The following ZFPM2 variants were observed in gnomAD, a reference collection of about 807,000 sequenced individuals.
ZFPM2 encodes zinc finger protein, FOG family member 2.
Under a neutral mutation model 98.6 loss-of-function variants are expected in ZFPM2, and 20 were observed. The ratio of observed to expected loss-of-function variants is 0.20; its 90% confidence interval spans 0.14 to 0.29. The LOEUF is 0.29. Ranked by LOEUF, ZFPM2 falls within the 10% of genes least tolerant of loss-of-function variation. The probability of loss-of-function intolerance (pLI) is 1.00; values close to 1 mark genes in which losing one functional copy is unlikely to be tolerated. For synonymous variants in ZFPM2, 518 were observed against 502.7 expected (o/e 1.03, Z -0.41); for missense variants, 1,310 against 1,388.6 (o/e 0.94, Z 0.90).
intron 4 of ZFPM2, among the ~76,000 whole-genome samples, chr8:105,629,172 G>A (rs146001368): frequency 3.2e-4 from 48 of 152,320 alleles, no homozygotes; most frequent in African/African-American, 1.0e-3. Context: ...GCACTGAAGC[G>A]GCTGACTGGT....
chr8:105,515,287 T>C (rs138254171), intron 3 of ZFPM2, among the ~76,000 whole-genome samples: 272 of 152,362 alleles, frequency 1.8e-3, no homozygotes, highest in African/African-American at 6.2e-3. Context: ...AAATGCTTAA[T>C]ACTAATGCCG....
At chr8:105,559,851 G>A (rs755514220) in intron 3 of ZFPM2, among the ~76,000 whole-genome samples, 3 of 152,074 alleles carry the variant, frequency 2.0e-5, no homozygotes, top group Non-Finnish European at 4.4e-5. Context: ...TTGAAAAGAA[G>A]CTAAAGCGAG....
chr8:105,579,605 T>G (rs1379375499), intron 4 of ZFPM2, among the ~76,000 whole-genome samples: 1 of 152,156 alleles, frequency 6.6e-6, no homozygotes, highest in Non-Finnish European at 1.5e-5. Flanking sequence ...CTGTCCTGAT[T>G]AACAGGCTGA....
chr8:105,733,365 C>T (rs1289076746), intron 5 of ZFPM2, among the ~76,000 whole-genome samples: 1 of 151,850 alleles, frequency 6.6e-6, no homozygotes, highest in East Asian at 1.9e-4. Flanking sequence ...AAAAATTACT[C>T]ATTTCTGGCT....
chr8:105,554,030 A>G (rs1814926295), intron 3 of ZFPM2, among the ~76,000 whole-genome samples: 1 of 152,110 alleles, frequency 6.6e-6, no homozygotes, highest in African/African-American at 2.4e-5. Context: ...TTGAATAGGG[A>G]ACGTCGTATT....
intron 5 of ZFPM2, among the ~76,000 whole-genome samples, chr8:105,741,947 T>C (rs1812224329): frequency 6.6e-6 from 1 of 152,034 alleles, no homozygotes; most frequent in African/African-American, 2.4e-5. Flanking sequence ...GACACAGTGT[T>C]GAAGCTGGAT....
At chr8:105,426,475 T>G (rs1422991713) in intron 2 of ZFPM2, among the ~76,000 whole-genome samples, 1 of 152,102 alleles carries the variant, frequency 6.6e-6, no homozygotes, top group Non-Finnish European at 1.5e-5. Context: ...CCTTCCCTTC[T>G]CCGCCACCTC....
chr8:105,682,502 T>G (rs1810630829), intron 5 of ZFPM2, among the ~76,000 whole-genome samples: 1 of 152,140 alleles, frequency 6.6e-6, no homozygotes, highest in Admixed American at 6.6e-5. Context: ...AGATAGATCC[T>G]TGTAGGCAGT....
chr8:105,405,534 G>T (rs1811432001), intron 1 of ZFPM2, among the ~76,000 whole-genome samples: 1 of 150,880 alleles, frequency 6.6e-6, no homozygotes, highest in South Asian at 2.1e-4. Context: ...GCAGTCTTTG[G>T]TTTTTTGTCC....
chr8:105,736,324 T>G (rs1812072665), intron 5 of ZFPM2, among the ~76,000 whole-genome samples: 1 of 151,998 alleles, frequency 6.6e-6, no homozygotes, highest in Non-Finnish European at 1.5e-5. Context: ...TTAGAAATAT[T>G]TGCCAACTTA....
At chr8:105,788,647 C>A in intron 5 of ZFPM2, 71 bp from the exon 6 acceptor site, 1 of 1,432,060 alleles carries the variant, frequency 7.0e-7, no homozygotes, top group Non-Finnish European at 9.8e-7. Context: ...GTGCTATGGA[C>A]ATCAATCTAG....
At chr8:105,730,769 CTTT>C (rs1239093734) in intron 5 of ZFPM2, among the ~76,000 whole-genome samples, 1 of 118,858 alleles carries the variant, frequency 8.4e-6, no homozygotes, top group African/African-American at 3.1e-5. Context: ...TGAACTTTTT[CTTT>C]TTTCTTTTTT....
At chr8:105,542,353 A>G (rs1814595186) in intron 3 of ZFPM2, among the ~76,000 whole-genome samples, 1 of 152,136 alleles carries the variant, frequency 6.6e-6, no homozygotes, top group African/African-American at 2.4e-5. Context: ...GATTGTTTTT[A>G]TCTATAGCGA....
At chr8:105,617,112 G>T (rs1162449501) in intron 4 of ZFPM2, among the ~76,000 whole-genome samples, 3 of 142,246 alleles carry the variant, frequency 2.1e-5, no homozygotes, top group African/African-American at 7.8e-5. Context: ...CAAGCAATGT[G>T]GCTCTAGAAC....
At chr8:105,696,086 G>A (rs1811010835) in intron 5 of ZFPM2, among the ~76,000 whole-genome samples, 1 of 152,188 alleles carries the variant, frequency 6.6e-6, no homozygotes, top group Non-Finnish European at 1.5e-5. Flanking sequence ...CATCCCTGCT[G>A]TGAACATAAC....
At chr8:105,770,935 G>A (rs1186846380) in intron 5 of ZFPM2, among the ~76,000 whole-genome samples, 2 of 152,128 alleles carry the variant, frequency 1.3e-5, no homozygotes, top group Admixed American at 6.6e-5. Context: ...CTTTCCTCTA[G>A]GGAGCTATAT....
chr8:105,493,096 T>G (rs772403762), intron 3 of ZFPM2, among the ~76,000 whole-genome samples: 1 of 152,206 alleles, frequency 6.6e-6, no homozygotes, highest in East Asian at 1.9e-4. Flanking sequence ...TGATTAAATA[T>G]GTCTGGCTTT....
chr8:105,330,553 CATATATATATATATACATATATATATACA>C (rs1812196040), intron 1 of ZFPM2, among the ~76,000 whole-genome samples: 3 of 92,408 alleles, frequency 3.2e-5, no homozygotes, highest in African/African-American at 1.1e-4. Context: ...TATATATATA[CATATATATATATATACATATATATATACA>C]TATATATATA....
At chr8:105,625,504 G>A (rs984436847) in intron 4 of ZFPM2, among the ~76,000 whole-genome samples, 5 of 152,004 alleles carry the variant, frequency 3.3e-5, no homozygotes, top group Admixed American at 3.3e-4. Flanking sequence ...TTTAATTGAA[G>A]CAAGTGACAT....
Sources: allele counts gnomAD v4.1 joint callset (sites outside exome capture counted in the v4.1 genomes callset), GRCh38; gene constraint gnomAD v4.1.1; transcripts MANE v1.5; gene names NCBI Gene and HGNC (gene_info 2026-07-23, HGNC 2026-07-21).